Variants in RTCB observed in about 807,000 individuals in gnomAD.
RTCB encodes the protein RNA 2',3'-cyclic phosphate and 5'-OH ligase.
RTCB carries 32 observed loss-of-function variants against 58.2 expected under a neutral mutation model. The ratio of observed to expected loss-of-function variants is 0.55; its 90% CI spans 0.41 to 0.74. RTCB has a LOEUF of 0.74. RTCB is among the 30% of genes least tolerant of loss of function. The probability of loss-of-function intolerance (pLI) is 0.00; values close to 1 mark genes in which losing one functional copy is unlikely to be tolerated. For missense variants in RTCB, 523 were observed against 639.0 expected, an observed-to-expected ratio of 0.82 and a Z score of 1.96; for synonymous variants, 247 against 218.6, an observed-to-expected ratio of 1.13 and a Z score of -1.15.
At chr22:32,395,882 G>A (rs976735497) in intron 8 of RTCB, among the ~76,000 whole-genome samples, 192 bp downstream of exon 8, 4 of 152,116 alleles carry the variant, frequency 2.6e-5, no homozygotes, top group Non-Finnish European at 4.4e-5. Flanking sequence ...TGTATTTTTA[G>A]TAGAGACGGG....
chr22:32,397,078 T>G (rs1933257603), intron 7 of RTCB, among the ~76,000 whole-genome samples: 1 of 152,214 alleles, frequency 6.6e-6, no homozygotes. Flanking sequence ...TCCTCCTCCC[T>G]GCTCTTTCTA....
Position 32,392,363 on chromosome 22 carries a change from G to A in RTCB, c.1291-4C>T, listed in dbSNP as rs1933166960. On this transcript the variant is annotated splice_polypyrimidine_tract_variant and splice_region_variant and intron_variant, in intron 10 of 11. Transcript: ENST00000216038. Reference sequence around the variant, plus strand: ...TTGCTCGGGACAATGCACGGCCCTAGAATGGGAAAGGAATGAACTTTACTT... The same window carrying A: ...TTGCTCGGGACAATGCACGGCCCTAAAATGGGAAAGGAATGAACTTTACTT... 2 of 1,613,496 alleles carry A rather than the reference G, an allele frequency of 1.2e-6. No homozygotes were observed. Among genetic ancestry groups the A allele is most frequent in the Admixed American group, 3.3e-5 (2 of 59,898 alleles).
intron 8 of RTCB, among the ~76,000 whole-genome samples, chr22:32,395,643 T>C (rs1933232803): frequency 6.6e-6 from 1 of 152,242 alleles, no homozygotes; most frequent in South Asian, 2.1e-4. Context: ...TTTTGAAAGT[T>C]AACTATGTGA....
chr22:32,397,513 GC>G (rs1375544652), intron 7 of RTCB, among the ~76,000 whole-genome samples: 2 of 152,144 alleles, frequency 1.3e-5, no homozygotes, highest in Non-Finnish European at 2.9e-5. Flanking sequence ...CAAAGTATCT[GC>G]CTCTTTCATC....
chr22:32,407,606 G>C (rs1158930954), intron 3 of RTCB: 1 of 152,602 alleles, frequency 6.6e-6, no homozygotes, highest in Non-Finnish European at 1.5e-5. Flanking sequence ...ACTTACAATG[G>C]TGGTGCACTG....
chr22:32,398,244 A>G (rs1011886171), intron 6 of RTCB, 144 bp from the exon 7 acceptor site: 14 of 884,620 alleles, frequency 1.6e-5, no homozygotes, highest in Non-Finnish European at 2.4e-5. Flanking sequence ...CCTAAGCTAT[A>G]GAAGTGTTTC....
At chr22:32,394,268 T>C (rs961539039) in intron 9 of RTCB, among the ~76,000 whole-genome samples, 18 of 152,074 alleles carry the variant, frequency 1.2e-4, no homozygotes, top group Non-Finnish European at 1.9e-4. Context: ...CCTGCTGCCA[T>C]GCCCAGCTAA....
Position 32,412,198 on chromosome 22 carries a change from A to T in RTCB, c.-42T>A. The T allele has an allele frequency of 6.7e-7, 1 of 1,493,124 alleles. No homozygotes were observed. The allele number at this position is 1,493,124 out of a possible 1,614,324, so 92.5% of individuals were successfully genotyped here. A position where few individuals can be genotyped will look rare whatever the true frequency, so the allele number is the denominator to read the frequency against. On this transcript the variant is annotated 5_prime_UTR_variant, in exon 1 of 12. Transcript: ENST00000216038. ...GCAAAAACTCCCGGCTCCGCTTTGA[A>T]GAGCCGCTGCCGCGTAGTCCGGCTT...
At chr22:32,411,351 C>G (rs1486701092) in intron 1 of RTCB, among the ~76,000 whole-genome samples, 1 of 152,074 alleles carries the variant, frequency 6.6e-6, no homozygotes, top group Non-Finnish European at 1.5e-5. Flanking sequence ...TGATGAAGGC[C>G]GAGAGATACA....
chr22:32,400,553 T>C (rs1434722658), intron 5 of RTCB, among the ~76,000 whole-genome samples: 1 of 152,222 alleles, frequency 6.6e-6, no homozygotes, highest in Non-Finnish European at 1.5e-5. Flanking sequence ...TCAGTATTAG[T>C]AGACAAAATT....
rs1933302270 is a variant in RTCB at position 32,399,627 on chromosome 22, C to T, written c.630G>A (p.Arg210=). The change falls in exon 6 of 12, where the codon AGG becomes AGA. Residue 210 remains arginine, a synonymous_variant. Coordinates refer to ENST00000216038, the MANE Select transcript of RTCB (RefSeq NM_014306.5). ...CCTGAGGAAGGCCTCTTTTCTTCGC[C>T]CTTGCAGAAACTTTATTGGGGTCAG... The part of the protein sequence containing the change: ...LQADPNKVSA[R]AKKRGLPQLG... 6.2e-7 allele frequency: 1 copy of T among 1,613,468 alleles called. No individual in the cohort carries two copies.
intron 4 of RTCB, among the ~76,000 whole-genome samples, chr22:32,403,805 G>C (rs1359705218): frequency 6.6e-6 from 1 of 152,150 alleles, no homozygotes; most frequent in Non-Finnish European, 1.5e-5. Context: ...TTATACATTA[G>C]ATTTCCAGAA....
In RTCB at chr22:32,387,903, C is replaced by T. The variant is rs1444529887; in HGVS notation, c.*89G>A. ...CAGCTGCACACTTTGCAACTTGTCC[C>T]GCCTTGAGTCTGATGTCAGAAGAGC... On this transcript the variant is annotated 3_prime_UTR_variant, in exon 12 of 12. Transcript: ENST00000216038. The T allele has an allele frequency of 5.7e-6, 5 of 871,800 alleles. No individual in the cohort carries two copies. Among genetic ancestry groups the T allele is most frequent in the African/African-American group, 1.6e-5 (1 of 60,858 alleles). 54.0% of individuals were successfully genotyped at this position (871,800 alleles called of 1,614,324 possible).
rs957292656 is a variant in RTCB at position 32,412,231 on chromosome 22, C to G, written c.-75G>C. On this transcript the variant is annotated 5_prime_UTR_variant, in exon 1 of 12. Coordinates refer to ENST00000216038, the MANE Select transcript of RTCB (RefSeq NM_014306.5). ...TGCCGCGTAGTCCGGCTTCTCAGAG[C>G]ACCGCCTTCCAAGAACCAAAGCGCA... 1.6e-6 allele frequency: 2 copies of G among 1,267,572 alleles called. No homozygotes were observed. The highest frequency in any genetic ancestry group is 2.2e-6 in the Non-Finnish European group (2 of 909,564). 78.5% of individuals were successfully genotyped at this position (1,267,572 alleles called of 1,614,324 possible).
At chr22:32,395,997 G>A (rs1209940009) in intron 8 of RTCB, 77 bp downstream of exon 8, 1 of 1,469,058 alleles carries the variant, frequency 6.8e-7, no homozygotes, top group East Asian at 2.3e-5. Context: ...ACCGTGTCCA[G>A]CCTGGACTGC....
At chr22:32,402,339 T>C (rs1477305634) in intron 4 of RTCB, among the ~76,000 whole-genome samples, 1 of 152,266 alleles carries the variant, frequency 6.6e-6, no homozygotes, top group Non-Finnish European at 1.5e-5. Flanking sequence ...TTGTGCTTTC[T>C]AGGGTCACTG....
chr22:32,399,555 C>A, intron 6 of RTCB, 48 bp downstream of exon 6: 1 of 1,526,424 alleles, frequency 6.6e-7, no homozygotes, highest in Non-Finnish European at 8.9e-7. Context: ...CCAATAAAAA[C>A]AAAATATGAA....
At chr22:32,398,187 TAAC>T (rs1461003571) in intron 6 of RTCB, 87 bp from the exon 7 acceptor site, 6 of 1,419,782 alleles carry the variant, frequency 4.2e-6, no homozygotes, top group African/African-American at 1.5e-5. Context: ...AAAAACAAAC[TAAC>T]AACAAAATAA....
At chr22:32,405,247 T>C (rs1933400259) in intron 4 of RTCB, among the ~76,000 whole-genome samples, 1 of 152,330 alleles carries the variant, frequency 6.6e-6, no homozygotes, top group East Asian at 1.9e-4. Flanking sequence ...AAAATGTGTT[T>C]TAATTTCTAA....
Sources: gnomAD v4.1 joint callset for allele counts (sites outside exome capture counted in the v4.1 genomes callset) on GRCh38, gnomAD v4.1.1 for gene constraint, MANE v1.5 for transcripts, NCBI Gene and HGNC (gene_info 2026-07-23, HGNC 2026-07-21) for gene names.